Variants in CMYA5 observed in about 807,000 individuals in gnomAD.
CMYA5 encodes the protein cardiomyopathy-associated protein 5.
Under a neutral mutation model 318.9 loss-of-function variants are expected in CMYA5, and 246 were observed. That is an observed-to-expected ratio of 0.77 (90% CI 0.70 to 0.86). The LOEUF is 0.86. CMYA5 is among the 40% of genes least tolerant of loss of function. The pLI is 0.00. For synonymous variants in CMYA5, 1,641 were observed against 1,729.5 expected (o/e 0.95, Z 1.27); for missense variants, 4,589 against 4,678.2 (o/e 0.98, Z 0.56).
Position 79,729,680 on chromosome 5 carries a change from C to A in CMYA5, c.915C>A (p.Gly305=). The A allele has an allele frequency of 6.2e-7, 1 of 1,613,596 alleles. No homozygotes were observed. Among genetic ancestry groups the A allele is most frequent in the Non-Finnish European group, 8.5e-7 (1 of 1,179,642 alleles). ...AAGAGGTTTTTCCACCCTGGAGAGG[C>A]GCACTCTCCAAAGGATCAGAGTCCC... ...KVKEVFPPWR[G]ALSKGSESLT... is the part of the protein sequence containing the mutation. Residue 305 remains glycine, a synonymous_variant, in exon 2 of 13, where the codon GGC becomes GGA. Transcript: ENST00000446378.
Position 79,737,095 on chromosome 5 carries a change from T to C in CMYA5, c.8330T>C (p.Ile2777Thr). Residue 2777 changes from isoleucine (I) to threonine (T), a missense_variant, in exon 2 of 13, where the codon ATC becomes ACC. Transcript: ENST00000446378. Reference protein sequence around the residue: ...SELWKGGSVDITKESMKEGFP... With the variant: ...SELWKGGSVDTTKESMKEGFP... ...CTATGGAAAGGTGGTTCAGTAGATA[T>C]CACAAAAGAAAGTATGAAAGAAGGA... is the stretch of plus-strand genomic sequence containing the variant. 1.9e-6 allele frequency: 3 copies of C among 1,613,616 alleles called. No homozygotes were observed. The highest frequency in any genetic ancestry group is 4.5e-5 in the East Asian group (2 of 44,858).
chr5:79,725,292 A>G (rs551617886), intron 1 of CMYA5, among the ~76,000 whole-genome samples: 1 of 152,364 alleles, frequency 6.6e-6, no homozygotes, highest in African/African-American at 2.4e-5. Context: ...CATAAATAAG[A>G]ATTAAATCAT....
At chr5:79,703,791 T>A (rs1170179806) in intron 1 of CMYA5, among the ~76,000 whole-genome samples, 1 of 151,680 alleles carries the variant, frequency 6.6e-6, no homozygotes, top group Non-Finnish European at 1.5e-5. Context: ...AATTTTTCTG[T>A]CAGTCAAAAA....
At chr5:79,749,710 C>T (rs988620369) in intron 5 of CMYA5, among the ~76,000 whole-genome samples, 8 of 152,072 alleles carry the variant, frequency 5.3e-5, no homozygotes, top group African/African-American at 1.9e-4. Flanking sequence ...CAAACACCAC[C>T]GTCCATAGCA....
chr5:79,743,834 T>C lies in CMYA5; in HGVS notation c.10646T>C (p.Leu3549Ser), dbSNP rs1580781603. The C allele has an allele frequency of 6.6e-7, 1 of 1,522,186 alleles. No homozygotes were observed. Among genetic ancestry groups the C allele is most frequent in the Non-Finnish European group, 8.9e-7 (1 of 1,122,608 alleles). The allele number at this position is 1,522,186 out of a possible 1,614,324, so 94.3% of individuals were successfully genotyped here. A position where few individuals can be genotyped will look rare whatever the true frequency, so the allele number is the denominator to read the frequency against. ...CTTAATTCTTTTCTTCAGGTTCAAT[T>C]AGCAGAATTTCTAGAAAATTTACAA... Reference protein sequence around the residue: ...DTAISAVKVQLAEFLENLQEK... With the variant: ...DTAISAVKVQSAEFLENLQEK... The change falls in exon 3 of 13, where the codon TTA becomes TCA. Residue 3549 changes from leucine to serine, a missense_variant. Physicochemically the swap from Leu to Ser is moderately radical, Grantham distance 145. Around this residue, in one of 3 missense-constraint regions of CMYA5, gnomAD observed 2,431 missense variants for 2,495.1 expected, o/e 0.97. Transcript: ENST00000446378.
At position 79,721,088 on chromosome 5, in the gene CMYA5, C is replaced by T. The variant is rs115931363; in HGVS notation, c.150-7827C>T. ...GGTAAAAATATCAATTTATATTAGA[C>T]ATTAATGAGTCAAAGATGTATGTTG... On this transcript the variant is annotated intron_variant, in intron 1 of 12. Transcript: ENST00000446378. Among the ~76,000 whole-genome samples, 527 of 152,208 alleles carry T rather than the reference C, an allele frequency of 3.5e-3. 9 individuals carry two copies. The highest frequency in any genetic ancestry group is 0.012 in the African/African-American group (508 of 41,522).
At position 79,733,194 on chromosome 5, in the gene CMYA5, A is replaced by G. The variant is rs1016767725; in HGVS notation, c.4429A>G (p.Thr1477Ala). 4 of 1,613,654 alleles carry G rather than the reference A, an allele frequency of 2.5e-6. No homozygotes were observed. In the African/African-American group the frequency reaches 5.3e-5, roughly 22 times the overall value. The stretch of plus-strand genomic sequence containing the variant: ...TAAAGCTGGGTTGCCAGTAATCAAA[A>G]CATCATCTTCTCAGCATTCAGATAA... ...EVKAGLPVIK[T>A]SSSQHSDKSE... Residue 1477 changes from threonine to alanine, a missense_variant, in exon 2 of 13, where the codon ACA becomes GCA. Coordinates refer to ENST00000446378, the MANE Select transcript of CMYA5 (RefSeq NM_153610.5).
Position 79,737,174 on chromosome 5 carries a change from G to C in CMYA5, c.8409G>C (p.Lys2803Asn). 6.2e-7 allele frequency: 1 copy of C among 1,613,018 alleles called. No individual in the cohort carries two copies. The highest frequency in any genetic ancestry group is 8.5e-7 in the Non-Finnish European group (1 of 1,179,632). ...RTLARPFDET[K>N]SSETPPYLLS... is the part of the protein sequence containing the mutation. Reference sequence around the variant, plus strand: ...TAGCTCGTCCTTTTGATGAAACTAAGAGCTCAGAAACACCGCCATATTTGC... The same window carrying C: ...TAGCTCGTCCTTTTGATGAAACTAACAGCTCAGAAACACCGCCATATTTGC... The change falls in exon 2 of 13, where the codon AAG becomes AAC. Residue 2803 changes from lysine to asparagine, a missense_variant. By Grantham distance (94) the Lys-to-Asn change is moderately conservative. Around this residue, in one of 3 missense-constraint regions of CMYA5, gnomAD observed 2,431 missense variants for 2,495.1 expected, o/e 0.97. Coordinates refer to ENST00000446378, the MANE Select transcript of CMYA5 (RefSeq NM_153610.5).
chr5:79,790,096 T>C (rs965703629), intron 10 of CMYA5, among the ~76,000 whole-genome samples: 9 of 152,216 alleles, frequency 5.9e-5, no homozygotes, highest in African/African-American at 1.9e-4. Flanking sequence ...AGCGATCGGC[T>C]TACCCAGAAA....
chr5:79,710,909 T>C (rs887156340), intron 1 of CMYA5, among the ~76,000 whole-genome samples: 1 of 152,188 alleles, frequency 6.6e-6, no homozygotes, highest in African/African-American at 2.4e-5. Context: ...AAATTCAGCT[T>C]AATTTTTAGA....
chr5:79,753,021 A>G (rs1828461698), intron 6 of CMYA5, among the ~76,000 whole-genome samples: 1 of 151,942 alleles, frequency 6.6e-6, no homozygotes, highest in African/African-American at 2.4e-5. Context: ...TTGGAGATTG[A>G]GGAGGTGGAA....
intron 9 of CMYA5, among the ~76,000 whole-genome samples, chr5:79,784,588 C>G (rs968823185): frequency 2.2e-5 from 2 of 90,954 alleles, no homozygotes; most frequent in African/African-American, 9.9e-5. Context: ...GGCGTAGGAC[C>G]CTCTGAGCCA....
chr5:79,797,071 G>T (rs544529172), intron 12 of CMYA5, among the ~76,000 whole-genome samples: 3 of 152,310 alleles, frequency 2.0e-5, no homozygotes, highest in South Asian at 4.1e-4. Context: ...CTAACAACCT[G>T]TACATACTAA....
chr5:79,730,172 C>G lies in CMYA5; in HGVS notation c.1407C>G (p.Val469=). ...CTTCAATAGAAAGGGCAGAACCAGTCTCCGCAAAACTGACCCCTACCCATC... is the reference window on the plus strand; with the variant it reads ...CTTCAATAGAAAGGGCAGAACCAGTGTCCGCAAAACTGACCCCTACCCATC... ...DLTSIERAEP[V]SAKLTPTHPS... The change falls in exon 2 of 13, where the codon GTC becomes GTG. Residue 469 remains valine (V), a synonymous_variant. Transcript: ENST00000446378. 1 of 1,613,924 alleles carries G rather than the reference C, an allele frequency of 6.2e-7. No homozygotes were observed. The highest frequency in any genetic ancestry group is 8.5e-7 in the Non-Finnish European group (1 of 1,179,880).
intron 1 of CMYA5, among the ~76,000 whole-genome samples, chr5:79,718,405 T>G (rs2151080593): frequency 6.6e-6 from 1 of 152,312 alleles, no homozygotes; most frequent in East Asian, 1.9e-4. Flanking sequence ...AAATATATCT[T>G]TCAAAGCTTG....
intron 9 of CMYA5, among the ~76,000 whole-genome samples, chr5:79,776,897 G>A (rs1337139970): frequency 4.6e-5 from 7 of 152,126 alleles, no homozygotes; most frequent in Non-Finnish European, 5.9e-5. Flanking sequence ...TACACAGGCC[G>A]CCCCGCTCCC....
intron 1 of CMYA5, among the ~76,000 whole-genome samples, chr5:79,718,348 C>T (rs1403288175): frequency 6.6e-6 from 1 of 152,064 alleles, no homozygotes; most frequent in South Asian, 2.1e-4. Context: ...AAAACACTAA[C>T]AGTTTGTATT....
At chr5:79,764,202 C>A (rs1828708127) in intron 9 of CMYA5, among the ~76,000 whole-genome samples, 1 of 151,336 alleles carries the variant, frequency 6.6e-6, no homozygotes, top group Non-Finnish European at 1.5e-5. Context: ...CTCCCTGTGT[C>A]CATGTGTTCT....
chr5:79,799,818 AAAC>A lies in CMYA5; in HGVS notation c.*209_*211del, dbSNP rs1829341905. The A allele has an allele frequency of 2.1e-6, 1 of 476,414 alleles. No individual in the cohort carries two copies. Among genetic ancestry groups the A allele is most frequent in the South Asian group, 3.5e-5 (1 of 28,664 alleles). 29.5% of individuals were successfully genotyped at this position (476,414 alleles called of 1,614,324 possible). On this transcript the variant is annotated 3_prime_UTR_variant, in exon 13 of 13. Coordinates refer to ENST00000446378, the MANE Select transcript of CMYA5 (RefSeq NM_153610.5). ...AGCAGTGTGTGAGTAAACAGAATGAAAACAACAACCTCCACTCTTTAGTTTATA... is the reference window on the plus strand; with the variant it reads ...AGCAGTGTGTGAGTAAACAGAATGAAAACAACCTCCACTCTTTAGTTTATA...
Sources: allele counts gnomAD v4.1 joint callset (sites outside exome capture counted in the v4.1 genomes callset), GRCh38; gene constraint gnomAD v4.1.1; regional missense constraint gnomAD v4.1.1; transcripts MANE v1.5; gene names NCBI Gene and HGNC (gene_info 2026-07-23, HGNC 2026-07-21).